Variants in TSPAN18 observed in about 807,000 individuals in gnomAD.
TSPAN18 encodes the protein tetraspanin-18.
TSPAN18 carries 14 observed loss-of-function variants against 27.3 expected under a neutral mutation model. The observed-to-expected ratio is 0.51, with a 90% CI of 0.34 to 0.80. TSPAN18 has a LOEUF of 0.80. Ranked by LOEUF, TSPAN18 falls within the 30% of genes least tolerant of loss-of-function variation. TSPAN18 has a pLI of 0.01. For missense variants in TSPAN18, 268 were observed against 323.9 expected, an observed-to-expected ratio of 0.83 and a Z score of 1.32; for synonymous variants, 143 against 136.5, an observed-to-expected ratio of 1.05 and a Z score of -0.33.
At chr11:44,754,918 A>T (rs1855297145) in intron 1 of TSPAN18, among the ~76,000 whole-genome samples, 1 of 152,156 alleles carries the variant, frequency 6.6e-6, no homozygotes. Context: ...CAGGCTACAC[A>T]TGCTCTTTCC....
At chr11:44,764,902 G>A (rs565880538) in intron 2 of TSPAN18, among the ~76,000 whole-genome samples, 32 of 152,254 alleles carry the variant, frequency 2.1e-4, no homozygotes, top group African/African-American at 5.5e-4. Flanking sequence ...TAAGGAGATC[G>A]CTTCCTAGGG....
intron 3 of TSPAN18, among the ~76,000 whole-genome samples, chr11:44,861,970 G>T (rs1857903023): frequency 6.6e-6 from 1 of 152,092 alleles, no homozygotes; most frequent in Non-Finnish European, 1.5e-5. Context: ...GCGCCTGGCT[G>T]CCTTGAGTAG....
rs747377467 is a variant in TSPAN18 at position 44,919,769 on chromosome 11, T to A, written c.433-48T>A. ...GTATGTCCTTCTCTGTCCCCGCCCC[T>A]GTGTCCTCCTCCTGCCCACCAGAAC... On this transcript the variant is annotated intron_variant, in intron 7 of 9. Transcript: ENST00000520358. 52 of 1,587,074 alleles carry A rather than the reference T, an allele frequency of 3.3e-5. No individual in the cohort carries two copies. The African/African-American group carries it at 3.9e-4, about 12-fold the overall frequency.
chr11:44,828,340 A>G (rs557417365), intron 2 of TSPAN18, among the ~76,000 whole-genome samples: 1 of 151,218 alleles, frequency 6.6e-6, no homozygotes, highest in Non-Finnish European at 1.5e-5. Flanking sequence ...CAACAACAAC[A>G]AAAAAAAAGC....
At chr11:44,768,507 C>G (rs1258632310) in intron 2 of TSPAN18, among the ~76,000 whole-genome samples, 1 of 151,400 alleles carries the variant, frequency 6.6e-6, no homozygotes, top group Non-Finnish European at 1.5e-5. Context: ...TTTGTAATTT[C>G]TTTCAGGTTT....
rs142430634 is a variant in TSPAN18 at position 44,847,784 on chromosome 11, T to G, written c.-152-12544T>G. Among the ~76,000 whole-genome samples the G allele has an allele frequency of 9.2e-5, 14 of 152,188 alleles. No individual in the cohort carries two copies. The East Asian group carries it at 2.1e-3, about 23-fold the overall frequency. On this transcript the variant is annotated intron_variant, in intron 2 of 9. Coordinates refer to ENST00000520358, the MANE Select transcript of TSPAN18 (RefSeq NM_130783.5). ...TAATGAAGGGAGGATGGGAAGGGGT[T>G]TGAAGATTAAATGAAGTGCCCAGGA...
At chr11:44,894,358 G>A (rs1042205767) in intron 3 of TSPAN18, among the ~76,000 whole-genome samples, 2 of 152,196 alleles carry the variant, frequency 1.3e-5, no homozygotes, top group Non-Finnish European at 2.9e-5. Flanking sequence ...GCCAGGGCAC[G>A]TGCAAGCCCT....
chr11:44,854,969 G>T (rs1857697643), intron 2 of TSPAN18, among the ~76,000 whole-genome samples: 1 of 152,158 alleles, frequency 6.6e-6, no homozygotes, highest in Non-Finnish European at 1.5e-5. Flanking sequence ...CTTCCTTTAT[G>T]ACTTCCCAAC....
chr11:44,897,169 G>C (rs1163395385), intron 3 of TSPAN18, among the ~76,000 whole-genome samples: 1 of 152,180 alleles, frequency 6.6e-6, no homozygotes, highest in Non-Finnish European at 1.5e-5. Flanking sequence ...GATAGAACAG[G>C]AGTCTCCATA....
intron 3 of TSPAN18, among the ~76,000 whole-genome samples, chr11:44,873,878 G>A (rs1858259341): frequency 6.6e-6 from 1 of 152,210 alleles, no homozygotes; most frequent in South Asian, 2.1e-4. Flanking sequence ...TGGACCTACA[G>A]ACATGAGGAT....
chr11:44,896,463 C>T (rs1212763509), intron 3 of TSPAN18, among the ~76,000 whole-genome samples: 1 of 152,144 alleles, frequency 6.6e-6, no homozygotes, highest in Non-Finnish European at 1.5e-5. Context: ...CATGCCAGCA[C>T]TGTACCCCAA....
chr11:44,876,439 A>G (rs1273261356), intron 3 of TSPAN18, among the ~76,000 whole-genome samples: 1 of 152,136 alleles, frequency 6.6e-6, no homozygotes, highest in Admixed American at 6.5e-5. Context: ...TTGTTTTCTT[A>G]TCTCCAAAGT....
At chr11:44,918,137 C>A in intron 6 of TSPAN18, 91 bp downstream of exon 6, 1 of 1,329,462 alleles carries the variant, frequency 7.5e-7, no homozygotes, top group South Asian at 1.2e-5. Context: ...CTTGAAGGGT[C>A]TCAGAGAGTG....
At chr11:44,917,875 G>T (rs1478766522) in intron 5 of TSPAN18, 97 bp from the exon 6 acceptor site, 3 of 1,096,276 alleles carry the variant, frequency 2.7e-6, no homozygotes, top group Non-Finnish European at 4.2e-6. Flanking sequence ...TGAGTATACT[G>T]CGTCACTGGT....
chr11:44,771,030 CA>C (rs1371374120), intron 2 of TSPAN18, among the ~76,000 whole-genome samples: 1 of 151,974 alleles, frequency 6.6e-6, no homozygotes, highest in Non-Finnish European at 1.5e-5. Context: ...ACCTGGGGTT[CA>C]GGGGTGAGGG....
At chr11:44,743,833 A>C (rs570349261) in intron 1 of TSPAN18, among the ~76,000 whole-genome samples, 2 of 152,352 alleles carry the variant, frequency 1.3e-5, no homozygotes, top group Non-Finnish European at 2.9e-5. Flanking sequence ...GATGAAGATA[A>C]AACTGATCCT....
At chr11:44,924,933 A>C (rs953484839) in intron 8 of TSPAN18, among the ~76,000 whole-genome samples, 1 of 152,208 alleles carries the variant, frequency 6.6e-6, no homozygotes. Context: ...GGGCTCCAAC[A>C]TGGGTCTGCT....
chr11:44,777,996 C>T (rs566236310), intron 2 of TSPAN18, among the ~76,000 whole-genome samples: 16 of 152,046 alleles, frequency 1.1e-4, no homozygotes, highest in African/African-American at 3.9e-4. Flanking sequence ...GAAAGGATAC[C>T]CTAGGGGGTA....
chr11:44,845,347 A>G (rs1857458720), intron 2 of TSPAN18, among the ~76,000 whole-genome samples: 1 of 152,234 alleles, frequency 6.6e-6, no homozygotes, highest in Non-Finnish European at 1.5e-5. Flanking sequence ...TGTTGCATCG[A>G]TGAAAGGTGA....
Sources: allele counts gnomAD v4.1 joint callset (sites outside exome capture counted in the v4.1 genomes callset), GRCh38; gene constraint gnomAD v4.1.1; transcripts MANE v1.5; gene names NCBI Gene and HGNC (gene_info 2026-07-23, HGNC 2026-07-21).